Variants in MOCOS observed in about 807,000 individuals in gnomAD.
MOCOS encodes molybdenum cofactor sulfurase.
In MOCOS, 86 loss-of-function variants were observed where a neutral mutation model predicts 83.6. The ratio of observed to expected loss-of-function variants is 1.03; its 90% CI spans 0.86 to 1.23. The LOEUF is 1.23. Ranked by LOEUF, MOCOS falls within the 50% of genes most tolerant of loss-of-function variation. MOCOS has a pLI of 0.00. For missense variants in MOCOS, 1,120 were observed against 1,126.9 expected (o/e 0.99, Z 0.09); for synonymous variants, 445 against 434.7 (o/e 1.02, Z -0.29).
At position 36,213,456 on chromosome 18, in the gene MOCOS, A is replaced by G. The variant is rs35264715; in HGVS notation, c.1309A>G (p.Asn437Asp). 5.6e-4 allele frequency: 902 copies of G among 1,613,932 alleles called. 5 individuals are homozygous for G. In the African/African-American group the frequency reaches 0.01, roughly 18 times the overall value. ...CTGCCAGAGGCACCTGGGCATAAGC[A>G]ACGAGATGGTCAGGAAGCATTTTCA... ...GACQRHLGIS[N>D]EMVRKHFQAG... The change falls in exon 7 of 15, where the codon AAC (asparagine) becomes GAC (aspartate). Residue 437 changes from asparagine (N) to aspartate (D), a missense_variant. Transcript: ENST00000261326.
chr18:36,195,989 G>C (rs143276385), intron 2 of MOCOS, among the ~76,000 whole-genome samples: 9 of 152,138 alleles, frequency 5.9e-5, no homozygotes, highest in East Asian at 3.9e-4. Flanking sequence ...TCAGACAAGA[G>C]GGGGAGAAGT....
intron 9 of MOCOS, among the ~76,000 whole-genome samples, chr18:36,234,241 T>C (rs1349938591): frequency 6.6e-6 from 1 of 152,238 alleles, no homozygotes; most frequent in Non-Finnish European, 1.5e-5. Context: ...TTTTCATGTT[T>C]TTACATGTGG....
At chr18:36,201,686 AT>A (rs1178982944) in intron 4 of MOCOS, among the ~76,000 whole-genome samples, 4 of 151,048 alleles carry the variant, frequency 2.6e-5, no homozygotes, top group Admixed American at 6.6e-5. Context: ...AAAAGAAATG[AT>A]AATATTGTCC....
At chr18:36,217,555 G>C (rs1019372271) in intron 8 of MOCOS, among the ~76,000 whole-genome samples, 1 of 152,014 alleles carries the variant, frequency 6.6e-6, no homozygotes, top group Non-Finnish European at 1.5e-5. Flanking sequence ...AGCTGGCTCA[G>C]GAAAAGCCCT....
intron 8 of MOCOS, among the ~76,000 whole-genome samples, chr18:36,218,271 C>T (rs558198625): frequency 6.6e-6 from 1 of 151,990 alleles, no homozygotes; most frequent in Admixed American, 6.5e-5. Flanking sequence ...CCTATACCCA[C>T]CTAACTGGTG....
chr18:36,231,586 C>T (rs1462701291), intron 9 of MOCOS, among the ~76,000 whole-genome samples: 1 of 152,018 alleles, frequency 6.6e-6, no homozygotes, highest in Non-Finnish European at 1.5e-5. Context: ...TTAGCAATAA[C>T]GATGATTGAT....
In MOCOS at chr18:36,270,362, T is replaced by G. The variant is rs190190056; in HGVS notation, c.*1677T>G. On this transcript the variant is annotated 3_prime_UTR_variant, in exon 15 of 15. Transcript: ENST00000261326. ...TTGCCCCATTTCCAAGACCTTCCGC[T>G]GACAAATGCATCATATTAATTATGA... is the stretch of plus-strand genomic sequence containing the variant. The G allele has an allele frequency of 3.3e-5, 5 of 152,220 alleles. No homozygotes were observed. The highest frequency in any genetic ancestry group is 1.2e-4 in the African/African-American group (5 of 41,538). 9.4% of individuals were successfully genotyped at this position (152,220 alleles called of 1,614,324 possible).
intron 2 of MOCOS, 42 bp downstream of exon 2, chr18:36,195,388 C>G (rs1223474429): frequency 1.3e-6 from 2 of 1,481,636 alleles, no homozygotes; most frequent in Non-Finnish European, 1.9e-6. Context: ...CAACTACATG[C>G]AGCTGATATA....
At chr18:36,198,471 G>A (rs2091398914) in intron 2 of MOCOS, among the ~76,000 whole-genome samples, 2 of 152,210 alleles carry the variant, frequency 1.3e-5, no homozygotes, top group African/African-American at 4.8e-5. Flanking sequence ...ATTGTTTCCA[G>A]AATTTGACTT....
chr18:36,192,913 T>C (rs1260026448), intron 1 of MOCOS, among the ~76,000 whole-genome samples: 1 of 152,132 alleles, frequency 6.6e-6, no homozygotes, highest in Non-Finnish European at 1.5e-5. Context: ...CTTCCCCAAG[T>C]GCTGAGATTA....
intron 9 of MOCOS, among the ~76,000 whole-genome samples, chr18:36,242,990 C>T (rs2091589413): frequency 6.6e-6 from 1 of 152,070 alleles, no homozygotes; most frequent in Non-Finnish European, 1.5e-5. Context: ...TCTTTTCCTC[C>T]TTGGTTAGGT....
chr18:36,210,903 T>C (rs532348733), intron 6 of MOCOS, among the ~76,000 whole-genome samples: 3 of 134,432 alleles, frequency 2.2e-5, no homozygotes, highest in Admixed American at 8.1e-5. Flanking sequence ...GCTGTGGCAG[T>C]GGCATGGGAT....
At chr18:36,212,658 G>T (rs1371246862) in intron 6 of MOCOS, among the ~76,000 whole-genome samples, 1 of 152,182 alleles carries the variant, frequency 6.6e-6, no homozygotes, top group East Asian at 1.9e-4. Context: ...TCTTGATAAG[G>T]GTCTGTGGGA....
intron 9 of MOCOS, among the ~76,000 whole-genome samples, chr18:36,234,989 G>A (rs2091552455): frequency 6.6e-6 from 1 of 151,958 alleles, no homozygotes; most frequent in African/African-American, 2.4e-5. Flanking sequence ...TGATATCTAG[G>A]GATCACAACT....
At chr18:36,200,779 G>A (rs570625030) in intron 4 of MOCOS, among the ~76,000 whole-genome samples, 1 of 152,344 alleles carries the variant, frequency 6.6e-6, no homozygotes, top group South Asian at 2.1e-4. Context: ...CCAGGAGCTA[G>A]GATCAGCTCA....
chr18:36,197,267 G>C (rs8086119), intron 2 of MOCOS, among the ~76,000 whole-genome samples: 3,445 of 152,218 alleles, frequency 0.023, 138 homozygotes, highest in African/African-American at 0.079. Context: ...TCATGGCTCT[G>C]CTTCATGCTT....
At chr18:36,266,700 G>C in intron 13 of MOCOS, 49 bp from the exon 14 acceptor site, 1 of 1,516,930 alleles carries the variant, frequency 6.6e-7, no homozygotes, top group Non-Finnish European at 9.1e-7. Flanking sequence ...GAGGTGCAAG[G>C]CTCTGGTCAC....
intron 9 of MOCOS, among the ~76,000 whole-genome samples, chr18:36,243,822 A>G (rs1017444747): frequency 5.3e-5 from 8 of 151,502 alleles, no homozygotes; most frequent in Admixed American, 4.6e-4. Flanking sequence ...CATAGTTTCT[A>G]TTTCTTCCTG....
chr18:36,199,545 G>C (rs1248127090), intron 3 of MOCOS, 138 bp from the exon 4 acceptor site: 1 of 1,344,814 alleles, frequency 7.4e-7, no homozygotes, highest in African/African-American at 1.4e-5. Flanking sequence ...CATTGCCCTC[G>C]CCCTAATTTC....
Sources: gnomAD v4.1 joint callset for allele counts (sites outside exome capture counted in the v4.1 genomes callset) on GRCh38, gnomAD v4.1.1 for gene constraint, MANE v1.5 for transcripts, NCBI Gene and HGNC (gene_info 2026-07-23, HGNC 2026-07-21) for gene names.